The following RP1 variants were observed in gnomAD, a reference collection of about 807,000 sequenced individuals.
The protein encoded by RP1 is oxygen-regulated protein 1.
In RP1, 16 loss-of-function variants were observed where a neutral mutation model predicts 14.8. That is an observed-to-expected ratio of 1.08 (90% confidence interval 0.73 to 1.65). RP1 has a LOEUF of 1.65. Ranked by LOEUF, RP1 falls within the 40% of genes most tolerant of loss-of-function variation. RP1 has a pLI of 0.00. For synonymous variants in RP1, 876 were observed against 883.6 expected (o/e 0.99, Z 0.15); for missense variants, 2,631 against 2,535.0 (o/e 1.04, Z -0.81).
Position 54,860,339 on chromosome 8 carries a change from A to AT in RP1, c.4069+3240dup, listed in dbSNP as rs556472617. 4.6e-3 allele frequency among the ~76,000 whole-genome samples: 695 copies of AT among 152,128 alleles called. 5 individuals carry two copies. The highest frequency in any genetic ancestry group is 0.016 in the African/African-American group (656 of 41,498). On this transcript the variant is annotated intron_variant, in intron 27 of 28. Coordinates refer to the RP1 transcript ENST00000637698. ...GGGACAATAGTGAGATTCTCAAGTTATTTTTTTCTTTCCATTTTTAAGAAG... is the reference window on the plus strand; with the variant it reads ...GGGACAATAGTGAGATTCTCAAGTTATTTTTTTTCTTTCCATTTTTAAGAAG...
chr8:54,562,205 C>T (rs1209467614), intron 1 of RP1, among the ~76,000 whole-genome samples: 2 of 152,158 alleles, frequency 1.3e-5, no homozygotes, highest in African/African-American at 2.4e-5. Flanking sequence ...TAGCTATGCT[C>T]ACATGTAAAA....
At chr8:54,769,630 T>C in intron 22 of RP1, 1 of 726,472 alleles carries the variant, frequency 1.4e-6, no homozygotes, top group South Asian at 1.9e-5. Context: ...TAACATTTAG[T>C]GTGCAAAATT....
intron 21 of RP1, chr8:54,755,920 C>G: frequency 1.4e-6 from 1 of 723,422 alleles, no homozygotes; most frequent in Non-Finnish European, 2.0e-6. Context: ...TCCTAATGTG[C>G]TTTGTTTTGG....
chr8:54,796,414 G>A (rs1194000915), intron 24 of RP1, among the ~76,000 whole-genome samples: 1 of 152,138 alleles, frequency 6.6e-6, no homozygotes, highest in Non-Finnish European at 1.5e-5. Context: ...TGTTCCTCTA[G>A]AAGATATGTT....
chr8:54,861,727 C>A (rs115564987), intron 27 of RP1, among the ~76,000 whole-genome samples: 1 of 152,088 alleles, frequency 6.6e-6, no homozygotes, highest in Non-Finnish European at 1.5e-5. Flanking sequence ...CTCAGCCTCC[C>A]GAGTGGCTTG....
intron 1 of RP1, among the ~76,000 whole-genome samples, chr8:54,607,736 G>A (rs1254032470): frequency 9.9e-5 from 15 of 152,092 alleles, no homozygotes; most frequent in Admixed American, 5.9e-4. Context: ...CTCAAGCCTC[G>A]GCAACGGCAC....
At chr8:54,841,655 T>A (rs539946315) in intron 25 of RP1, among the ~76,000 whole-genome samples, 28 of 152,332 alleles carry the variant, frequency 1.8e-4, no homozygotes, top group Non-Finnish European at 3.4e-4. Context: ...TTCTCTGATT[T>A]ATTCACCATC....
chr8:54,844,135 G>A (rs1811858480), intron 25 of RP1, among the ~76,000 whole-genome samples: 1 of 152,110 alleles, frequency 6.6e-6, no homozygotes, highest in African/African-American at 2.4e-5. Flanking sequence ...TTTTTCCCGA[G>A]ATGAAAGAAA....
intron 24 of RP1, among the ~76,000 whole-genome samples, chr8:54,796,043 T>C (rs566888354): frequency 1.9e-4 from 29 of 152,304 alleles, no homozygotes; most frequent in African/African-American, 6.7e-4. Context: ...GAGATTCTGA[T>C]TCTTCTTCAG....
At chr8:54,645,330 C>T (rs533710989) in intron 3 of RP1, among the ~76,000 whole-genome samples, 42 of 152,334 alleles carry the variant, frequency 2.8e-4, no homozygotes, top group African/African-American at 9.6e-4. Flanking sequence ...TGCCATTTCA[C>T]ATTTCCTCTG....
intron 15 of RP1, among the ~76,000 whole-genome samples, chr8:54,707,360 G>C (rs553377325): frequency 6.6e-6 from 1 of 152,268 alleles, no homozygotes; most frequent in African/African-American, 2.4e-5. Flanking sequence ...CTAGGCTCAA[G>C]AGATCCACTG....
intron 1 of RP1, among the ~76,000 whole-genome samples, chr8:54,602,046 T>A (rs1258083040): frequency 7.2e-5 from 11 of 152,190 alleles, no homozygotes; most frequent in African/African-American, 1.7e-4. Flanking sequence ...TCCATTTTTT[T>A]AAATTATGCT....
chr8:54,773,657 A>C (rs962011736), downstream of RP1, among the ~76,000 whole-genome samples: 1 of 152,118 alleles, frequency 6.6e-6, no homozygotes, highest in African/African-American at 2.4e-5. Context: ...CTAACTAAAT[A>C]AAATACCATC....
intron 19 of RP1, among the ~76,000 whole-genome samples, chr8:54,751,546 G>A (rs1347473731): frequency 6.6e-6 from 1 of 152,180 alleles, no homozygotes; most frequent in Non-Finnish European, 1.5e-5. Context: ...CTATCTTAAT[G>A]TATGCATAGC....
intron 12 of RP1, among the ~76,000 whole-genome samples, chr8:54,695,376 C>G (rs1807834382): frequency 6.6e-6 from 1 of 151,920 alleles, no homozygotes; most frequent in Admixed American, 6.6e-5. Flanking sequence ...AAATAGCCAT[C>G]TCTTCATAGA....
chr8:54,714,951 A>G (rs1039844155), intron 15 of RP1, among the ~76,000 whole-genome samples: 1 of 152,270 alleles, frequency 6.6e-6, no homozygotes, highest in Non-Finnish European at 1.5e-5. Flanking sequence ...TGAGTGATTC[A>G]TCTTGGAAAA....
At chr8:54,612,673 C>T (rs1261849465), upstream of RP1, among the ~76,000 whole-genome samples, 1 of 152,158 alleles carries the variant, frequency 6.6e-6, no homozygotes, top group African/African-American at 2.4e-5. Context: ...CTTGGTTTCT[C>T]ATCTCACTTA....
Position 54,620,952 on chromosome 8 carries a change from T to C in RP1, c.-12-3T>C, listed in dbSNP as rs368569283. ...TCTGGAGATAATTTTCTTTCTTCTC[T>C]AGGTCTCAGCCAAAATGAGTGATAC... On this transcript the variant is annotated splice_region_variant and splice_polypyrimidine_tract_variant and intron_variant, in intron 1 of 3. Transcript: ENST00000220676. 6.2e-7 allele frequency: 1 copy of C among 1,614,024 alleles called. No individual in the cohort carries two copies. The highest frequency in any genetic ancestry group is 8.5e-7 in the Non-Finnish European group (1 of 1,179,860).
At chr8:54,581,027 T>C (rs908324033) in intron 1 of RP1, among the ~76,000 whole-genome samples, 2 of 152,186 alleles carry the variant, frequency 1.3e-5, no homozygotes, top group African/African-American at 4.8e-5. Flanking sequence ...TATTATACTT[T>C]AAGTTTTAAG....
Sources: allele counts gnomAD v4.1 joint callset (sites outside exome capture counted in the v4.1 genomes callset), GRCh38; gene constraint gnomAD v4.1.1; transcripts MANE v1.5; gene names NCBI Gene and HGNC (gene_info 2026-07-23, HGNC 2026-07-21).